The following WDR83 variants were observed in gnomAD, a reference collection of about 807,000 sequenced individuals.
WDR83 encodes the protein WD repeat domain 83.
A neutral mutation model predicts 37.7 loss-of-function variants in WDR83; 37 were observed. The observed-to-expected ratio is 0.98, with a 90% CI of 0.76 to 1.29. WDR83 has a LOEUF of 1.29. Among genes scored for constraint, WDR83 ranks in the 50% most tolerant of loss-of-function variants. The probability of loss-of-function intolerance (pLI) is 0.00; values close to 1 mark genes in which losing one functional copy is unlikely to be tolerated. For missense variants in WDR83, 445 were observed against 414.4 expected, an observed-to-expected ratio of 1.07 and a Z score of -0.64; for synonymous variants, 174 against 181.1, an observed-to-expected ratio of 0.96 and a Z score of 0.31.
At position 12,675,822 on chromosome 19, in the gene WDR83, C is replaced by T; in HGVS notation, c.*150C>T. The T allele has an allele frequency of 6.3e-7, 1 of 1,578,694 alleles. No homozygotes were observed. Among genetic ancestry groups the T allele is most frequent in the Non-Finnish European group, 8.6e-7 (1 of 1,160,650 alleles). ...AAATAGAAGAGGGGGTAAGACCTTCCTGGGACCGCAGCCGCTCAGTCCTCG... is the reference window on the plus strand; with the variant it reads ...AAATAGAAGAGGGGGTAAGACCTTCTTGGGACCGCAGCCGCTCAGTCCTCG... On this transcript the variant is annotated 3_prime_UTR_variant, in exon 11 of 11. Coordinates refer to ENST00000418543, the MANE Select transcript of WDR83 (RefSeq NM_001099737.3).
rs1012389053 is a variant in WDR83, at chr19:12,666,832, G to C, written c.-317G>C. 1.1e-6 allele frequency: 1 copy of C among 899,272 alleles called. No homozygotes were observed. The highest frequency in any genetic ancestry group is 2.9e-5 in the Admixed American group (1 of 34,666). 55.7% of individuals were successfully genotyped at this position (899,272 alleles called of 1,614,324 possible). On this transcript the variant is annotated 5_prime_UTR_variant, in exon 1 of 11. Coordinates refer to ENST00000418543, the MANE Select transcript of WDR83 (RefSeq NM_001099737.3). ...GCGGTCTGGAGGCTCACGGGAGAGA[G>C]GCTGTAGCCCTGGGCAATCCCGGGG...
At chr19:12,673,407 G>GTT in intron 10 of WDR83, 91 bp downstream of exon 10, 2 of 415,200 alleles carry the variant, frequency 4.8e-6, no homozygotes, top group Non-Finnish European at 8.8e-6. Context: ...TGAAGGCTAG[G>GTT]ATCTTTTTTT....
At chr19:12,669,922 C>G (rs768782107) in intron 3 of WDR83, 29 bp downstream of exon 3, 1 of 1,600,380 alleles carries the variant, frequency 6.2e-7, no homozygotes, top group Admixed American at 1.7e-5. Context: ...ATTCCGGGTC[C>G]TCCTCCCGCC....
intron 7 of WDR83, 109 bp from the exon 8 acceptor site, chr19:12,672,738 C>A: frequency 1.7e-6 from 2 of 1,153,980 alleles, no homozygotes. Context: ...CTTCAGAATT[C>A]CACTCCTGTG....
At chr19:12,668,395 A>G (rs763259789) in intron 1 of WDR83, 113 bp from the exon 2 acceptor site, 1 of 1,613,692 alleles carries the variant, frequency 6.2e-7, no homozygotes, top group South Asian at 1.1e-5. Flanking sequence ...GATTCTGCAG[A>G]TAGGACATCA....
chr19:12,674,369 C>T (rs972670885), intron 10 of WDR83, among the ~76,000 whole-genome samples: 14 of 152,068 alleles, frequency 9.2e-5, no homozygotes, highest in African/African-American at 2.4e-4. Flanking sequence ...GGGTCAGAGC[C>T]GGGGGAATCT....
Position 12,670,574 on chromosome 19 carries a change from G to C in WDR83, c.342G>C (p.Thr114=), listed in dbSNP as rs2024383216. 6.2e-7 allele frequency: 1 copy of C among 1,614,164 alleles called. No homozygotes were observed. Among genetic ancestry groups the C allele is most frequent in the Non-Finnish European group, 8.5e-7 (1 of 1,180,026 alleles). ...KFRGHAGKVN[T]VQFNEEATVI... is the part of the protein sequence containing the mutation. Reference sequence around the variant, plus strand: ...AATAACTTTCTCAGAAGGTGAACACGGTGCAGTTTAATGAAGAGGCCACAG... The same window carrying C: ...AATAACTTTCTCAGAAGGTGAACACCGTGCAGTTTAATGAAGAGGCCACAG... The change falls in exon 6 of 11, where the codon ACG becomes ACC. Residue 114 remains threonine, a synonymous_variant. Transcript: ENST00000418543.
At position 12,670,425 on chromosome 19, in the gene WDR83, G is replaced by A. The variant is rs902571127; in HGVS notation, c.331-138G>A. ...CCCACTCCGCATGCCAGGCTAGGCA[G>A]TCACCAACCCCTGTCCTTGCTGTTC... On this transcript the variant is annotated intron_variant, in intron 5 of 10. Transcript: ENST00000418543. 4.0e-6 allele frequency: 6 copies of A among 1,508,298 alleles called. No individual in the cohort carries two copies. The African/African-American group carries it at 8.3e-5, about 21-fold the overall frequency. 93.4% of individuals were successfully genotyped at this position (1,508,298 alleles called of 1,614,324 possible).
At chr19:12,675,377 A>T (rs991692920) in intron 10 of WDR83, 146 bp from the exon 11 acceptor site, 90 of 1,134,324 alleles carry the variant, frequency 7.9e-5, no homozygotes, top group Non-Finnish European at 1.0e-4. Context: ...TGCAGTGTCT[A>T]GGAGGCAATT....
Position 12,673,247 on chromosome 19 carries a change from G to A in WDR83, c.729G>A (p.Leu243=), listed in dbSNP as rs1344681081. The change falls in exon 10 of 11, where the codon CTG becomes CTA. Residue 243 remains leucine, a synonymous_variant. Transcript: ENST00000418543. ...KNQEYKLDCC[L]SERDTHVVSC... ...AGGAATACAAGCTGGACTGCTGCCTGAGCGAGCGTGACACACATGTGGTCA... is the reference window on the plus strand; with the variant it reads ...AGGAATACAAGCTGGACTGCTGCCTAAGCGAGCGTGACACACATGTGGTCA... 6.2e-7 allele frequency: 1 copy of A among 1,613,984 alleles called. No individual in the cohort carries two copies. Among genetic ancestry groups the A allele is most frequent in the Admixed American group, 1.7e-5 (1 of 59,986 alleles).
At chr19:12,670,943 T>C (rs1039642934) in intron 7 of WDR83, 122 bp downstream of exon 7, 4 of 1,433,424 alleles carry the variant, frequency 2.8e-6, no homozygotes, top group South Asian at 1.3e-5. Flanking sequence ...TCCCAGCTAC[T>C]TGGGAGGCTG....
intron 1 of WDR83, chr19:12,667,942 C>T (rs1246347859): frequency 5.6e-6 from 1 of 178,402 alleles, no homozygotes; most frequent in African/African-American, 2.4e-5. Flanking sequence ...TGACTTAAGA[C>T]ACAAGGTTTA....
chr19:12,669,107 T>G (rs575346683), intron 2 of WDR83: 1 of 1,611,760 alleles, frequency 6.2e-7, no homozygotes, highest in Admixed American at 1.7e-5. Context: ...ACTACACCCA[T>G]AGAAGCTCAA....
rs1396430269 is a variant in WDR83, at chr19:12,670,107, G to A, written c.224+10G>A. 1.2e-6 allele frequency: 2 copies of A among 1,608,824 alleles called. No individual in the cohort carries two copies. Among genetic ancestry groups the A allele is most frequent in the African/African-American group, 1.3e-5 (1 of 74,900 alleles). On this transcript the variant is annotated intron_variant, in intron 4 of 10. Transcript: ENST00000418543. ...TGCTGGATGCGGCCGGGTGAGCCGG[G>A]GACCAGGCTGGGATGGGAGCGCTGA...
rs1385733917 is a variant in WDR83, at chr19:12,672,833, A to C, written c.507-14A>C. On this transcript the variant is annotated splice_polypyrimidine_tract_variant and intron_variant, in intron 7 of 10. Coordinates refer to ENST00000418543, the MANE Select transcript of WDR83 (RefSeq NM_001099737.3). Reference sequence around the variant, plus strand: ...TGTAGTCAAGGTTCCCGCTGGATCTACCCTCTCCTGCAGCTCCGTGGATGG... The same window carrying C: ...TGTAGTCAAGGTTCCCGCTGGATCTCCCCTCTCCTGCAGCTCCGTGGATGG... 1.9e-6 allele frequency: 3 copies of C among 1,571,254 alleles called. No homozygotes were observed. In the East Asian group the frequency reaches 7.0e-5, roughly 37 times the overall value.
intron 7 of WDR83, among the ~76,000 whole-genome samples, chr19:12,671,820 C>T (rs2024428560): frequency 6.6e-6 from 1 of 152,026 alleles, no homozygotes; most frequent in Non-Finnish European, 1.5e-5. Context: ...GCCTCAGCCT[C>T]CCTAGTAGCT....
intron 7 of WDR83, 93 bp downstream of exon 7, chr19:12,670,914 C>T (rs75802380): frequency 0.052 from 79,049 of 1,511,872 alleles, 2,394 homozygotes; most frequent in Non-Finnish European, 0.063. Flanking sequence ...CAGCTGGGCA[C>T]AGTGGCACAC....
chr19:12,675,732 T>TA lies in WDR83; in HGVS notation c.*61dup, dbSNP rs1301423981. 2 of 1,584,978 alleles carry TA rather than the reference T, an allele frequency of 1.3e-6. No individual in the cohort carries two copies. The highest frequency in any genetic ancestry group is 2.7e-5 in the African/African-American group (2 of 74,282). ...GACACAGACATGGAAGGACTTCAGATACCATCTTATTCTAGAGACGTAGCT... is the reference window on the plus strand; with the variant it reads ...GACACAGACATGGAAGGACTTCAGATAACCATCTTATTCTAGAGACGTAGCT... On this transcript the variant is annotated 3_prime_UTR_variant, in exon 11 of 11. Coordinates refer to ENST00000418543, the MANE Select transcript of WDR83 (RefSeq NM_001099737.3).
In WDR83 at chr19:12,674,143, G is replaced by A. The variant is rs367682795; in HGVS notation, c.798+827G>A. Among the ~76,000 whole-genome samples, 65 of 152,342 alleles carry A rather than the reference G, an allele frequency of 4.3e-4. No individual in the cohort carries two copies. The South Asian group carries it at 0.012, about 28-fold the overall frequency. On this transcript the variant is annotated intron_variant, in intron 10 of 10. Coordinates refer to ENST00000418543, the MANE Select transcript of WDR83 (RefSeq NM_001099737.3). ...TGCGGCAAGATCCGGGGTCAGGCTG[G>A]GCTGCAGATGCCAGGCCGAGCAACT...
Sources: gnomAD v4.1 joint callset for allele counts (sites outside exome capture counted in the v4.1 genomes callset) on GRCh38, gnomAD v4.1.1 for gene constraint, MANE v1.5 for transcripts, NCBI Gene and HGNC (gene_info 2026-07-23, HGNC 2026-07-21) for gene names.